Variants in SHISA9 observed in about 807,000 individuals in gnomAD.
SHISA9 encodes the protein protein shisa-9.
SHISA9 carries 13 observed loss-of-function variants against 38.0 expected under a neutral mutation model. The observed-to-expected ratio is 0.34, with a 90% CI of 0.22 to 0.54. SHISA9 has a LOEUF of 0.54. Among genes scored for constraint, SHISA9 ranks in the 20% least tolerant of loss-of-function variants. The probability of loss-of-function intolerance (pLI) is 0.91; values close to 1 mark genes in which losing one functional copy is unlikely to be tolerated. For missense variants in SHISA9, 538 were observed against 575.8 expected (o/e 0.93, Z 0.67); for synonymous variants, 275 against 242.0 (o/e 1.14, Z -1.27).
At chr16:13,458,233 T>C in the SHISA9 span, 1 of 220,436 alleles carries the variant, frequency 4.5e-6, no homozygotes, top group Non-Finnish European at 8.9e-6. Flanking sequence ...GAATAACCTC[T>C]TATGGACACT....
the SHISA9 span, among the ~76,000 whole-genome samples, chr16:13,297,275 C>A: frequency 6.6e-6 from 1 of 152,110 alleles, no homozygotes; most frequent in Non-Finnish European, 1.5e-5. Flanking sequence ...CATATTATTA[C>A]CTTAGGCTAT....
At chr16:13,101,135 G>T (rs927577665) in intron 2 of SHISA9, among the ~76,000 whole-genome samples, 13 of 152,166 alleles carry the variant, frequency 8.5e-5, no homozygotes, top group Admixed American at 2.0e-4. Flanking sequence ...GAAGTGGGGA[G>T]ATATTGACCA....
chr16:13,159,825 A>G (rs368028939), intron 2 of SHISA9, among the ~76,000 whole-genome samples: 2 of 152,232 alleles, frequency 1.3e-5, no homozygotes, highest in East Asian at 1.9e-4. Flanking sequence ...AACTTCTGCC[A>G]TCTTTGAATG....
the SHISA9 span, among the ~76,000 whole-genome samples, chr16:13,418,449 A>G: frequency 6.6e-6 from 1 of 152,126 alleles, no homozygotes; most frequent in East Asian, 1.9e-4. Flanking sequence ...CTGAAACCGC[A>G]TATGCAAGAG....
intron 2 of SHISA9, among the ~76,000 whole-genome samples, chr16:13,084,401 C>T (rs1195023143): frequency 6.6e-6 from 1 of 152,228 alleles, no homozygotes; most frequent in African/African-American, 2.4e-5. Context: ...AATAAACCTT[C>T]CAGACAACAG....
At chr16:12,916,001 G>T (rs1445136056) in intron 1 of SHISA9, among the ~76,000 whole-genome samples, 1 of 129,572 alleles carries the variant, frequency 7.7e-6, no homozygotes, top group African/African-American at 2.9e-5. Flanking sequence ...TTTTTTGTGT[G>T]TGTGTGTGTG....
chr16:13,125,255 C>T (rs1037464785), intron 2 of SHISA9, among the ~76,000 whole-genome samples: 3 of 152,040 alleles, frequency 2.0e-5, no homozygotes, highest in East Asian at 3.9e-4. Flanking sequence ...ATAAGGAGCA[C>T]AAACAACTCT....
At chr16:13,298,351 C>A in the SHISA9 span, among the ~76,000 whole-genome samples, 4 of 151,958 alleles carry the variant, frequency 2.6e-5, no homozygotes, top group East Asian at 5.8e-4. Flanking sequence ...AATAATTATT[C>A]ATAATTCTAC....
At chr16:13,412,155 T>C in the SHISA9 span, among the ~76,000 whole-genome samples, 1 of 152,142 alleles carries the variant, frequency 6.6e-6, no homozygotes, top group Admixed American at 6.5e-5. Flanking sequence ...TTACATCAAA[T>C]CATTTTCTGG....
At chr16:13,452,845 C>G in the SHISA9 span, among the ~76,000 whole-genome samples, 1 of 151,604 alleles carries the variant, frequency 6.6e-6, no homozygotes, top group Non-Finnish European at 1.5e-5. Flanking sequence ...GCCCTCTTCC[C>G]TCTTAAAGAA....
At chr16:13,091,221 T>A (rs2073771692) in intron 2 of SHISA9, among the ~76,000 whole-genome samples, 1 of 152,218 alleles carries the variant, frequency 6.6e-6, no homozygotes, top group African/African-American at 2.4e-5. Flanking sequence ...TCTCTCTGGC[T>A]GCCCTTAACA....
the SHISA9 span, among the ~76,000 whole-genome samples, chr16:13,317,952 T>C: frequency 6.6e-6 from 1 of 152,066 alleles, no homozygotes; most frequent in Non-Finnish European, 1.5e-5. Flanking sequence ...ATATCTGACA[T>C]TGGTATATAA....
chr16:13,370,121 G>T, the SHISA9 span, among the ~76,000 whole-genome samples: 4 of 152,162 alleles, frequency 2.6e-5, no homozygotes, highest in South Asian at 2.1e-4. Context: ...AGTGCAGCCC[G>T]AGTCGAGCTC....
intron 2 of SHISA9, among the ~76,000 whole-genome samples, chr16:13,086,303 C>T (rs28463427): frequency 0.062 from 8,589 of 138,364 alleles, 373 homozygotes; most frequent in Admixed American, 0.16. Flanking sequence ...TGCAGTGAGC[C>T]GAGATCATGC....
chr16:12,977,299 G>C (rs554874944), intron 2 of SHISA9, among the ~76,000 whole-genome samples: 45 of 152,260 alleles, frequency 3.0e-4, no homozygotes, highest in Admixed American at 2.4e-3. Flanking sequence ...AGTGGTGATG[G>C]GGAGAGCACA....
chr16:12,950,552 G>A (rs894592103), intron 2 of SHISA9, among the ~76,000 whole-genome samples: 1 of 152,124 alleles, frequency 6.6e-6, no homozygotes, highest in Non-Finnish European at 1.5e-5. Context: ...TACAGCCGCT[G>A]TGGAAAACAG....
chr16:12,924,811 G>C (rs190641856), intron 2 of SHISA9, among the ~76,000 whole-genome samples: 60 of 152,188 alleles, frequency 3.9e-4, no homozygotes, highest in African/African-American at 1.4e-3. Context: ...AGACTTGAGG[G>C]GTAGACAACC....
the SHISA9 span, among the ~76,000 whole-genome samples, chr16:13,300,575 T>G: frequency 6.6e-6 from 1 of 152,180 alleles, no homozygotes; most frequent in African/African-American, 2.4e-5. Context: ...AGAACTGAGC[T>G]GCCATGAACG....
At chr16:13,164,654 T>A (rs1007981772) in intron 2 of SHISA9, among the ~76,000 whole-genome samples, 5 of 152,166 alleles carry the variant, frequency 3.3e-5, no homozygotes, top group Admixed American at 6.5e-5. Context: ...TAGGTATTGC[T>A]ATAACTGCAT....
Sources: allele counts gnomAD v4.1 joint callset (sites outside exome capture counted in the v4.1 genomes callset), GRCh38; gene constraint gnomAD v4.1.1; transcripts MANE v1.5; gene names NCBI Gene and HGNC (gene_info 2026-07-23, HGNC 2026-07-21).